The following KCNIP4 variants were observed in gnomAD, a reference collection of about 807,000 sequenced individuals.
KCNIP4 encodes potassium voltage-gated channel interacting protein 4.
Under a neutral mutation model 34.0 loss-of-function variants are expected in KCNIP4, and 12 were observed. The ratio of observed to expected loss-of-function variants is 0.35; its 90% CI spans 0.23 to 0.57. The LOEUF (loss-of-function observed/expected upper bound fraction) is 0.57. KCNIP4 is among the 20% of genes least tolerant of loss of function. The pLI, the probability that KCNIP4 is intolerant of heterozygous loss-of-function variation, is 0.83. For missense variants in KCNIP4, 238 were observed against 311.7 expected (o/e 0.76, Z 1.78); for synonymous variants, 124 against 102.2 (o/e 1.21, Z -1.29).
intron 3 of KCNIP4, among the ~76,000 whole-genome samples, chr4:20,799,841 C>A (rs28425685): frequency 0.39 from 58,634 of 151,986 alleles, 12,071 homozygotes; most frequent in Admixed American, 0.5. Context: ...TCTGGAAAAT[C>A]CCTTCTTCTC....
rs1332702198 is a variant in KCNIP4, at chr4:21,468,260, G to C, written c.61+480311C>G. Among the ~76,000 whole-genome samples, 7 of 150,634 alleles carry C rather than the reference G, an allele frequency of 4.6e-5. No individual in the cohort carries two copies. In the East Asian group the frequency reaches 1.4e-3, roughly 29 times the overall value. On this transcript the variant is annotated intron_variant, in intron 1 of 8. Coordinates refer to ENST00000382152, the MANE Select transcript of KCNIP4 (RefSeq NM_025221.6). The stretch of plus-strand genomic sequence containing the variant: ...GTACAAGGAAAGACAATAAACATCA[G>C]AAAGGAAGAAGAAGAGAATAAATGT...
At chr4:21,321,474 A>C (rs926118989) in intron 1 of KCNIP4, among the ~76,000 whole-genome samples, 1 of 152,156 alleles carries the variant, frequency 6.6e-6, no homozygotes, top group Non-Finnish European at 1.5e-5. Context: ...GTGTTCTACA[A>C]GATAGAACTA....
chr4:21,244,319 C>A (rs544437561), intron 1 of KCNIP4, among the ~76,000 whole-genome samples: 1 of 152,274 alleles, frequency 6.6e-6, no homozygotes, highest in South Asian at 2.1e-4. Context: ...TGCCACTTTT[C>A]CATGAAAACC....
intron 1 of KCNIP4, among the ~76,000 whole-genome samples, chr4:21,365,146 T>A (rs974234005): frequency 6.6e-6 from 1 of 152,128 alleles, no homozygotes; most frequent in African/African-American, 2.4e-5. Flanking sequence ...AAAATCCAAA[T>A]ATGCAATTAT....
chr4:21,820,359 A>T (rs1187599039), intron 1 of KCNIP4, among the ~76,000 whole-genome samples: 1 of 149,464 alleles, frequency 6.7e-6, no homozygotes, highest in Non-Finnish European at 1.5e-5. Context: ...ACATACAGGC[A>T]TGAAGTACTA....
chr4:20,941,213 G>T (rs1731606715), intron 1 of KCNIP4, among the ~76,000 whole-genome samples: 1 of 152,102 alleles, frequency 6.6e-6, no homozygotes, highest in Non-Finnish European at 1.5e-5. Context: ...ATGACAACAG[G>T]TCTTCTCAAA....
intron 1 of KCNIP4, among the ~76,000 whole-genome samples, chr4:21,275,696 T>C (rs1042018219): frequency 1.3e-5 from 2 of 152,218 alleles, no homozygotes; most frequent in African/African-American, 2.4e-5. Context: ...CAGTTCTCTT[T>C]GCTATTTTCA....
intron 1 of KCNIP4, among the ~76,000 whole-genome samples, chr4:21,430,421 G>A (rs138772630): frequency 5.3e-5 from 8 of 151,236 alleles, no homozygotes; most frequent in East Asian, 3.9e-4. Flanking sequence ...AGTATGGGGG[G>A]GTGGGGTCAT....
chr4:21,606,400 T>C (rs1743674444), intron 1 of KCNIP4, among the ~76,000 whole-genome samples: 1 of 152,138 alleles, frequency 6.6e-6, no homozygotes, highest in Admixed American at 6.5e-5. Context: ...TACTTTTCTA[T>C]TGCTGCTGTA....
intron 1 of KCNIP4, among the ~76,000 whole-genome samples, chr4:21,695,608 T>C (rs553938791): frequency 6.6e-6 from 1 of 152,286 alleles, no homozygotes; most frequent in South Asian, 2.1e-4. Context: ...ATTTAATACT[T>C]ATGGTTTACA....
At position 21,729,063 on chromosome 4, in the gene KCNIP4, C is replaced by T. The variant is rs565208260; in HGVS notation, c.61+219508G>A. On this transcript the variant is annotated intron_variant, in intron 1 of 8. Coordinates refer to ENST00000382152, the MANE Select transcript of KCNIP4 (RefSeq NM_025221.6). ...TGTCTCTTTGCAAATAATGATATCT[C>T]TCCTCCAGAACCTAAACTCCATGAT... Among the ~76,000 whole-genome samples the T allele has an allele frequency of 4.3e-4, 66 of 152,234 alleles. 1 individual carries two copies. Among genetic ancestry groups the T allele is most frequent in the Middle Eastern group, 3.4e-3 (1 of 294 alleles).
chr4:21,007,565 T>G (rs1560640517), intron 1 of KCNIP4, among the ~76,000 whole-genome samples: 1 of 152,186 alleles, frequency 6.6e-6, no homozygotes, highest in East Asian at 1.9e-4. Flanking sequence ...ACCCAGCAAC[T>G]TCCCTTCCCA....
intron 1 of KCNIP4, among the ~76,000 whole-genome samples, chr4:20,932,538 A>T (rs1730587731): frequency 2.0e-5 from 3 of 152,030 alleles, no homozygotes; most frequent in Admixed American, 2.0e-4. Context: ...TTTTTGTTAA[A>T]TAAGTAGATT....
At chr4:21,433,906 T>C (rs1197553883) in intron 1 of KCNIP4, among the ~76,000 whole-genome samples, 1 of 152,242 alleles carries the variant, frequency 6.6e-6, no homozygotes, top group Non-Finnish European at 1.5e-5. Context: ...TTATTAATAT[T>C]ATCATTTGTT....
intron 1 of KCNIP4, among the ~76,000 whole-genome samples, chr4:21,495,332 C>G (rs999373043): frequency 1.3e-5 from 2 of 152,182 alleles, no homozygotes; most frequent in African/African-American, 4.8e-5. Flanking sequence ...CAGTGCAGAA[C>G]AGCTAGCAGA....
intron 1 of KCNIP4, among the ~76,000 whole-genome samples, chr4:21,349,889 A>G (rs1298561865): frequency 1.3e-5 from 2 of 152,162 alleles, no homozygotes; most frequent in Non-Finnish European, 2.9e-5. Context: ...TGATCCAAAG[A>G]GCTAGAGCAG....
At chr4:21,386,988 GAT>G (rs1722090920) in intron 1 of KCNIP4, among the ~76,000 whole-genome samples, 1 of 152,118 alleles carries the variant, frequency 6.6e-6, no homozygotes, top group South Asian at 2.1e-4. Flanking sequence ...ACCAGAGAGC[GAT>G]AACTTCATTT....
chr4:21,093,305 C>T (rs915090995), intron 1 of KCNIP4, among the ~76,000 whole-genome samples: 1 of 152,138 alleles, frequency 6.6e-6, no homozygotes, highest in Non-Finnish European at 1.5e-5. Flanking sequence ...TTCCTAATAG[C>T]CCTTAATTAC....
At chr4:21,861,921 C>T (rs1725100606) in intron 1 of KCNIP4, among the ~76,000 whole-genome samples, 1 of 152,224 alleles carries the variant, frequency 6.6e-6, no homozygotes, top group South Asian at 2.1e-4. Context: ...CTTGATCTGG[C>T]CCCTATGCTA....
Sources: gnomAD v4.1 joint callset for allele counts (sites outside exome capture counted in the v4.1 genomes callset) on GRCh38, gnomAD v4.1.1 for gene constraint, MANE v1.5 for transcripts, NCBI Gene and HGNC (gene_info 2026-07-23, HGNC 2026-07-21) for gene names.